Variants in RCN1 observed in about 807,000 individuals in gnomAD.
The protein encoded by RCN1 is reticulocalbin 1, also known as reticulocalbin-1.
In RCN1, 14 loss-of-function variants were observed where a neutral mutation model predicts 34.7. The observed-to-expected ratio is 0.40, with a 90% CI of 0.27 to 0.63. RCN1 has a LOEUF of 0.63. Ranked by LOEUF, RCN1 falls within the 30% of genes least tolerant of loss-of-function variation. RCN1 has a pLI of 0.37. For synonymous variants in RCN1, 125 were observed against 165.5 expected, an observed-to-expected ratio of 0.76 and a Z score of 1.88; for missense variants, 326 against 425.1, an observed-to-expected ratio of 0.77 and a Z score of 2.05.
intron 4 of RCN1, chr11:32,103,022 C>T (rs1304466945): frequency 1.7e-6 from 1 of 585,230 alleles, no homozygotes; most frequent in Non-Finnish European, 3.2e-6. Flanking sequence ...ACTTCAGGCT[C>T]AGTCACTGAA....
chr11:32,092,022 G>A lies in RCN1; in HGVS notation c.254+572G>A, dbSNP rs223043. Among the ~76,000 whole-genome samples the A allele has an allele frequency of 7.8e-3, 1,192 of 152,220 alleles. 10 individuals are homozygous for A. The highest frequency in any genetic ancestry group is 0.026 in the African/African-American group (1,097 of 41,552). ...TAAATCTATCGTAAGGAGTCTGGGC[G>A]CGGTGACTCACGCCTGTAATCCCAG... On this transcript the variant is annotated intron_variant, in intron 1 of 5. Transcript: ENST00000054950.
At chr11:32,099,727 G>C (rs558860557) in intron 3 of RCN1, among the ~76,000 whole-genome samples, 8 of 152,336 alleles carry the variant, frequency 5.3e-5, no homozygotes, top group Admixed American at 4.6e-4. Flanking sequence ...GTTTACACGA[G>C]CTGTGGATGG....
intron 4 of RCN1, 33 bp downstream of exon 4, chr11:32,100,641 C>T: frequency 3.8e-6 from 6 of 1,569,940 alleles, no homozygotes; most frequent in Non-Finnish European, 5.3e-6. Flanking sequence ...GCTCAGCTGT[C>T]CTGACTGGGC....
At chr11:32,097,473 A>C in intron 2 of RCN1, 136 bp downstream of exon 2, 1 of 513,986 alleles carries the variant, frequency 1.9e-6, no homozygotes, top group South Asian at 5.1e-5. Flanking sequence ...CTTGTATAAC[A>C]CCCTCCTCTG....
At chr11:32,100,122 A>G (rs1852018966) in intron 3 of RCN1, among the ~76,000 whole-genome samples, 1 of 152,214 alleles carries the variant, frequency 6.6e-6, no homozygotes, top group Non-Finnish European at 1.5e-5. Context: ...ACTGTTTCAC[A>G]TTTCTCTTGA....
At chr11:32,100,844 G>A (rs752260772) in intron 4 of RCN1, among the ~76,000 whole-genome samples, 5 of 152,162 alleles carry the variant, frequency 3.3e-5, no homozygotes, top group Admixed American at 1.3e-4. Context: ...CACAAGGCTG[G>A]CCAACAGTTG....
intron 3 of RCN1, among the ~76,000 whole-genome samples, chr11:32,099,171 A>T (rs144926886): frequency 7.2e-5 from 11 of 152,304 alleles, no homozygotes; most frequent in African/African-American, 2.6e-4. Context: ...TACAAAAAAA[A>T]TTAGCCAGGC....
At chr11:32,097,087 A>G in intron 1 of RCN1, 57 bp from the exon 2 acceptor site, 1 of 1,361,170 alleles carries the variant, frequency 7.3e-7, no homozygotes. Context: ...AAGCCTTGAT[A>G]ATATAACAGC....
intron 4 of RCN1, chr11:32,102,989 A>G (rs565779232): frequency 3.8e-6 from 2 of 525,896 alleles, no homozygotes; most frequent in East Asian, 9.8e-5. Flanking sequence ...ATAAATTATC[A>G]TCTCCATTTT....
intron 4 of RCN1, 64 bp downstream of exon 4, chr11:32,100,672 T>C: frequency 7.6e-7 from 1 of 1,316,264 alleles, no homozygotes; most frequent in South Asian, 1.2e-5. Context: ...CACCCACACG[T>C]CTGGCTACTT....
intron 5 of RCN1, among the ~76,000 whole-genome samples, chr11:32,103,840 G>A (rs925175485): frequency 2.0e-5 from 3 of 152,294 alleles, no homozygotes; most frequent in Middle Eastern, 3.4e-3. Flanking sequence ...ACATCTGTGA[G>A]GTGTCAGGAA....
At chr11:32,102,782 T>G in intron 4 of RCN1, 1 of 326,856 alleles carries the variant, frequency 3.1e-6, no homozygotes, top group East Asian at 9.6e-5. Flanking sequence ...AAAATGGGAA[T>G]TATAACAGCA....
At chr11:32,103,554 G>A (rs990274651) in intron 5 of RCN1, 74 bp downstream of exon 5, 4 of 1,347,268 alleles carry the variant, frequency 3.0e-6, no homozygotes, top group East Asian at 2.3e-5. Context: ...TTGCTTTTTC[G>A]GCGATAGCAT....
intron 1 of RCN1, among the ~76,000 whole-genome samples, chr11:32,096,305 G>C (rs1851972421): frequency 6.6e-6 from 1 of 152,142 alleles, no homozygotes; most frequent in Non-Finnish European, 1.5e-5. Context: ...GGGACCATCT[G>C]GTCTAGAGAT....
In RCN1 at chr11:32,098,538, G is replaced by T; in HGVS notation, c.627+10G>T. ...GGAAATTGTGGTTTTGGTAAGATAA[G>T]TGAAGAGTCTGGGCTGGGAAGAGAC... On this transcript the variant is annotated intron_variant, in intron 3 of 5. Transcript: ENST00000054950. The T allele has an allele frequency of 6.2e-7, 1 of 1,603,786 alleles. No homozygotes were observed. The highest frequency in any genetic ancestry group is 8.5e-7 in the Non-Finnish European group (1 of 1,175,280).
chr11:32,097,849 C>T (rs1252286127), intron 2 of RCN1, among the ~76,000 whole-genome samples: 2 of 152,002 alleles, frequency 1.3e-5, no homozygotes, highest in Admixed American at 6.6e-5. Flanking sequence ...CAAACAAGAT[C>T]GGGAGAAGGA....
chr11:32,094,376 T>C (rs901946152), intron 1 of RCN1, among the ~76,000 whole-genome samples: 3 of 152,148 alleles, frequency 2.0e-5, no homozygotes, highest in African/African-American at 7.2e-5. Context: ...GTTTGAATGG[T>C]TTCACATACA....
intron 1 of RCN1, among the ~76,000 whole-genome samples, chr11:32,092,684 C>T (rs953393708): frequency 3.9e-5 from 6 of 152,178 alleles, no homozygotes; most frequent in African/African-American, 1.4e-4. Context: ...ACCCAGCAGG[C>T]AGCCTGGTCC....
chr11:32,091,076 T>TC lies in RCN1; in HGVS notation c.-117dup. On this transcript the variant is annotated 5_prime_UTR_variant, in exon 1 of 6. Transcript: ENST00000054950. ...GGGCACTGGCGGAGGGACTGGCCAG[T>TC]CCCCTCCTCCGCGCCGGCCCCAACC... is the stretch of plus-strand genomic sequence containing the variant. 1 of 1,158,726 alleles carries TC rather than the reference T, an allele frequency of 8.6e-7. No homozygotes were observed. Among genetic ancestry groups the TC allele is most frequent in the Non-Finnish European group, 1.1e-6 (1 of 886,222 alleles). 71.8% of individuals were successfully genotyped at this position (1,158,726 alleles called of 1,614,324 possible). A position where few individuals can be genotyped will look rare whatever the true frequency, so the allele number is the denominator to read the frequency against.
Sources: allele counts gnomAD v4.1 joint callset (sites outside exome capture counted in the v4.1 genomes callset), GRCh38; gene constraint gnomAD v4.1.1; transcripts MANE v1.5; gene names NCBI Gene and HGNC (gene_info 2026-07-23, HGNC 2026-07-21).